The following ST18 variants were observed in gnomAD, a reference collection of about 807,000 sequenced individuals.
ST18 encodes ST18 C2H2C-type zinc finger transcription factor, also known as suppression of tumorigenicity 18 protein.
ST18 carries 50 observed loss-of-function variants against 110.0 expected under a neutral mutation model. The observed-to-expected ratio is 0.45, with a 90% CI of 0.36 to 0.58. ST18 has a LOEUF of 0.58. Ranked by LOEUF, ST18 falls within the 20% of genes least tolerant of loss-of-function variation. ST18 has a pLI of 0.00. For synonymous variants in ST18, 461 were observed against 452.4 expected, an observed-to-expected ratio of 1.02 and a Z score of -0.24; for missense variants, 1,306 against 1,280.1, an observed-to-expected ratio of 1.02 and a Z score of -0.31.
intron 2 of ST18, among the ~76,000 whole-genome samples, chr8:52,390,708 G>A (rs1839016260): frequency 6.6e-6 from 1 of 152,200 alleles, no homozygotes; most frequent in East Asian, 1.9e-4. Flanking sequence ...AATGGCTGCA[G>A]ACGTGGGCTT....
At chr8:52,263,952 C>A (rs545153579) in intron 2 of ST18, among the ~76,000 whole-genome samples, 2 of 152,062 alleles carry the variant, frequency 1.3e-5, no homozygotes, top group East Asian at 3.9e-4. Context: ...GCGTGTGCCA[C>A]CTCGCCTGGC....
At chr8:52,138,415 C>G (rs1274165869) in intron 17 of ST18, among the ~76,000 whole-genome samples, 1 of 152,172 alleles carries the variant, frequency 6.6e-6, no homozygotes. Flanking sequence ...CATTTTATCT[C>G]TGAACCTGGT....
chr8:52,212,152 T>A, intron 7 of ST18, 43 bp from the exon 8 acceptor site: 1 of 1,575,890 alleles, frequency 6.3e-7, no homozygotes, highest in Non-Finnish European at 8.6e-7. Context: ...AATCAGTTGA[T>A]AATTTTCAAA....
chr8:52,289,724 C>G (rs979981667), intron 2 of ST18, among the ~76,000 whole-genome samples: 1 of 152,118 alleles, frequency 6.6e-6, no homozygotes, highest in Non-Finnish European at 1.5e-5. Flanking sequence ...CTGTCAAATT[C>G]ACTCTCTCAC....
chr8:52,231,564 G>A (rs1280978592), intron 2 of ST18, among the ~76,000 whole-genome samples: 1 of 150,848 alleles, frequency 6.6e-6, no homozygotes, highest in Admixed American at 6.6e-5. Context: ...CACAACCTCC[G>A]CCTCCGGGTT....
intron 2 of ST18, among the ~76,000 whole-genome samples, chr8:52,385,965 A>G (rs2140909643): frequency 6.6e-6 from 1 of 152,298 alleles, no homozygotes; most frequent in South Asian, 2.1e-4. Context: ...CACCTCTTCC[A>G]TAGCTTACAG....
intron 8 of ST18, among the ~76,000 whole-genome samples, chr8:52,200,805 T>C (rs1005136440): frequency 2.0e-5 from 3 of 152,174 alleles, no homozygotes; most frequent in Admixed American, 1.3e-4. Flanking sequence ...CAAGGATGCC[T>C]CCAAGACTTT....
Position 52,126,033 on chromosome 8 carries a change from G to C in ST18, c.2755+19C>G, listed in dbSNP as rs1258845048. 1.2e-6 allele frequency: 2 copies of C among 1,612,084 alleles called. No individual in the cohort carries two copies. The highest frequency in any genetic ancestry group is 1.7e-5 in the Admixed American group (1 of 59,974). On this transcript the variant is annotated intron_variant, in intron 23 of 25. Coordinates refer to ENST00000689386, the MANE Select transcript of ST18 (RefSeq NM_001352837.2). ...CTACACCCTGCAGGAGGTGGTGACAGCCAGCCCTGTGCTCTTACCCCCAGT... is the reference window on the plus strand; with the variant it reads ...CTACACCCTGCAGGAGGTGGTGACACCCAGCCCTGTGCTCTTACCCCCAGT...
chr8:52,179,246 A>C (rs7837165), intron 9 of ST18, among the ~76,000 whole-genome samples: 1 of 152,156 alleles, frequency 6.6e-6, no homozygotes, highest in African/African-American at 2.4e-5. Context: ...AGTGATATTC[A>C]AACTCCTAGA....
Position 52,145,055 on chromosome 8 carries a change from A to ATTT in ST18, c.2053-2013_2053-2011dup, listed in dbSNP as rs11353171. ...CCTTTGTTTTTCTGTTTAGATGCTG[A>ATTT]TTTTTTTTTTTTTTTAACGAAAACG... is the stretch of plus-strand genomic sequence containing the variant. On this transcript the variant is annotated intron_variant, in intron 16 of 25. Transcript: ENST00000689386. Among the ~76,000 whole-genome samples, 3 of 143,182 alleles carry ATTT rather than the reference A, an allele frequency of 2.1e-5. 1 individual carries two copies. The highest frequency in any genetic ancestry group is 7.6e-5 in the African/African-American group (3 of 39,576). 93.9% of individuals were successfully genotyped at this position (143,182 alleles called of 152,430 possible).
intron 14 of ST18, 81 bp from the exon 15 acceptor site, chr8:52,159,190 CT>C: frequency 7.7e-7 from 1 of 1,298,058 alleles, no homozygotes; most frequent in Non-Finnish European, 1.1e-6. Flanking sequence ...AAAAATGTAA[CT>C]TCTTGCATTA....
chr8:52,381,503 C>T (rs1028161883), intron 2 of ST18, among the ~76,000 whole-genome samples: 4 of 152,154 alleles, frequency 2.6e-5, no homozygotes, highest in African/African-American at 7.2e-5. Context: ...AAAATATTTA[C>T]AAATTAATTG....
rs6998314 is a variant in ST18 at position 52,378,648 on chromosome 8, A to G, written c.-465+30680T>C. ...TCCTATATACATATATGACCCAAGC[A>G]TAAGTTTTTCAAACATTGGGGAGTG... On this transcript the variant is annotated intron_variant, in intron 2 of 25. Transcript: ENST00000689386. 7.6e-3 allele frequency among the ~76,000 whole-genome samples: 1,156 copies of G among 152,332 alleles called. 16 individuals carry two copies. The highest frequency in any genetic ancestry group is 0.026 in the African/African-American group (1,092 of 41,576).
intron 16 of ST18, 72 bp from the exon 17 acceptor site, chr8:52,143,117 AATC>A: frequency 1.0e-6 from 1 of 958,770 alleles, no homozygotes; most frequent in Non-Finnish European, 1.6e-6. Flanking sequence ...CTAGATTTAA[AATC>A]ATTGAAGCCA....
chr8:52,243,225 G>A (rs961594854), intron 2 of ST18, among the ~76,000 whole-genome samples: 1 of 152,154 alleles, frequency 6.6e-6, no homozygotes, highest in African/African-American at 2.4e-5. Context: ...TTCATAGGAT[G>A]TTTTAATTTT....
At chr8:52,156,463 A>G (rs527792995) in intron 15 of ST18, among the ~76,000 whole-genome samples, 1 of 152,354 alleles carries the variant, frequency 6.6e-6, no homozygotes, top group South Asian at 2.1e-4. Flanking sequence ...AATAGCAGAG[A>G]GATAATCAGG....
chr8:52,208,645 T>C (rs1326870636), intron 8 of ST18, among the ~76,000 whole-genome samples: 1 of 152,094 alleles, frequency 6.6e-6, no homozygotes, highest in Non-Finnish European at 1.5e-5. Flanking sequence ...GCTAACACGG[T>C]GAAACCCCGT....
chr8:52,166,492 C>G (rs1447406169), intron 11 of ST18, among the ~76,000 whole-genome samples: 1 of 152,156 alleles, frequency 6.6e-6, no homozygotes, highest in African/African-American at 2.4e-5. Context: ...AGGCTGCTTA[C>G]CCCATCCCAT....
chr8:52,214,379 C>T (rs929831797), intron 6 of ST18, 122 bp from the exon 7 acceptor site: 61 of 957,030 alleles, frequency 6.4e-5, no homozygotes, highest in Middle Eastern at 4.8e-4. Flanking sequence ...TCTTGACTCA[C>T]AGCCCGGCTC....
Sources: gnomAD v4.1 joint callset for allele counts (sites outside exome capture counted in the v4.1 genomes callset) on GRCh38, gnomAD v4.1.1 for gene constraint, MANE v1.5 for transcripts, NCBI Gene and HGNC (gene_info 2026-07-23, HGNC 2026-07-21) for gene names.